Variants in PEBP4 observed in about 807,000 individuals in gnomAD.
The protein encoded by PEBP4 is phosphatidylethanolamine binding protein 4.
PEBP4 carries 22 observed loss-of-function variants against 23.9 expected under a neutral mutation model. That is an observed-to-expected ratio of 0.92 (90% CI 0.66 to 1.31). PEBP4 has a LOEUF of 1.31. PEBP4 is among the 40% of genes most tolerant of loss of function. The pLI is 0.00. For missense variants in PEBP4, 324 were observed against 281.7 expected (o/e 1.15, Z -1.07); for synonymous variants, 112 against 99.3 (o/e 1.13, Z -0.76).
intron 4 of PEBP4, chr8:22,757,018 CA>C (rs1411299609): frequency 2.0e-5 from 3 of 152,258 alleles, no homozygotes; most frequent in African/African-American, 7.2e-5. Context: ...CCTGAAAGGG[CA>C]CAGGTGGAGG....
chr8:22,738,766 T>G (rs1395846188), intron 4 of PEBP4, among the ~76,000 whole-genome samples: 1 of 152,122 alleles, frequency 6.6e-6, no homozygotes, highest in African/African-American at 2.4e-5. Context: ...TGTTCACACA[T>G]GCTCACTCAC....
At chr8:22,728,561 T>TTCCTTCCC (rs1354204215) in intron 4 of PEBP4, among the ~76,000 whole-genome samples, 2 of 40,268 alleles carry the variant, frequency 5.0e-5, no homozygotes, top group Non-Finnish European at 8.6e-5. Flanking sequence ...TCTTTCTTTC[T>TTCCTTCCC]TCCTTCCTTC....
intron 6 of PEBP4, among the ~76,000 whole-genome samples, chr8:22,721,459 C>T (rs1334606604): frequency 2.0e-5 from 3 of 152,088 alleles, no homozygotes; most frequent in African/African-American, 7.2e-5. Context: ...TCCCCACATC[C>T]CCCTACATAG....
rs1286690677 is a variant in PEBP4, at chr8:22,850,697, TCC to T, written c.259-32964_259-32963del. ...ATATGATGGAGATACTCATCCTTCC[TCC>T]CAACATGGTTTGAAAATGAAATGAA... On this transcript the variant is annotated intron_variant, in intron 3 of 6. Transcript: ENST00000256404. Among the ~76,000 whole-genome samples, 3 of 152,250 alleles carry T rather than the reference TCC, an allele frequency of 2.0e-5. No homozygotes were observed. In the East Asian group the frequency reaches 5.8e-4, roughly 29 times the overall value.
intron 4 of PEBP4, among the ~76,000 whole-genome samples, chr8:22,764,356 G>T (rs1035560143): frequency 6.6e-5 from 10 of 152,104 alleles, no homozygotes; most frequent in African/African-American, 2.4e-4. Flanking sequence ...TCAAGTCCAG[G>T]TTACTCTCTG....
chr8:22,838,643 G>A (rs1034351121), intron 3 of PEBP4, among the ~76,000 whole-genome samples: 1 of 152,272 alleles, frequency 6.6e-6, no homozygotes, highest in Non-Finnish European at 1.5e-5. Context: ...AGCTAGGCCG[G>A]GGCCTCAGCC....
At chr8:22,739,219 C>T (rs1804937483) in intron 4 of PEBP4, among the ~76,000 whole-genome samples, 1 of 152,114 alleles carries the variant, frequency 6.6e-6, no homozygotes, top group Non-Finnish European at 1.5e-5. Flanking sequence ...GTGGGGGGCA[C>T]CCCAGGTGCT....
intron 4 of PEBP4, among the ~76,000 whole-genome samples, chr8:22,776,514 A>G (rs1585266462): frequency 6.6e-6 from 1 of 151,548 alleles, no homozygotes; most frequent in Admixed American, 6.6e-5. Flanking sequence ...CAGCCTTCAA[A>G]CCACTGGTCT....
At chr8:22,772,271 GGA>G (rs1805730727) in intron 4 of PEBP4, among the ~76,000 whole-genome samples, 1 of 152,222 alleles carries the variant, frequency 6.6e-6, no homozygotes. Context: ...GGTCTGGGCA[GGA>G]GAGGGAGCAG....
At chr8:22,737,587 T>G (rs561743251) in intron 4 of PEBP4, among the ~76,000 whole-genome samples, 45 of 152,244 alleles carry the variant, frequency 3.0e-4, no homozygotes, top group African/African-American at 1.1e-3. Context: ...GTGGTCTGAT[T>G]TCTGGCAGCC....
intron 4 of PEBP4, among the ~76,000 whole-genome samples, chr8:22,771,816 C>G (rs542839378): frequency 1.3e-5 from 2 of 152,228 alleles, no homozygotes; most frequent in South Asian, 4.1e-4. Flanking sequence ...AAGTTACCAC[C>G]CTTTCCCTAG....
intron 3 of PEBP4, among the ~76,000 whole-genome samples, chr8:22,918,478 C>T (rs1340012941): frequency 6.6e-6 from 1 of 152,132 alleles, no homozygotes; most frequent in Non-Finnish European, 1.5e-5. Context: ...GCTGATAAGC[C>T]AGGGCAACGA....
At chr8:22,738,315 G>A (rs13255912) in intron 4 of PEBP4, among the ~76,000 whole-genome samples, 17,588 of 152,174 alleles carry the variant, frequency 0.12, 1,087 homozygotes, top group Middle Eastern at 0.22. Context: ...CGGCTCAGGA[G>A]AGCGAGTCAG....
At chr8:22,815,959 C>G (rs949525636) in intron 4 of PEBP4, among the ~76,000 whole-genome samples, 1 of 152,210 alleles carries the variant, frequency 6.6e-6, no homozygotes, top group Non-Finnish European at 1.5e-5. Flanking sequence ...TCAGGACCGC[C>G]GAGCAGAGCT....
chr8:22,764,279 T>G (rs1805566724), intron 4 of PEBP4, among the ~76,000 whole-genome samples: 1 of 151,838 alleles, frequency 6.6e-6, no homozygotes, highest in African/African-American at 2.4e-5. Context: ...CCCTCTATCC[T>G]GAAAAAATGG....
intron 4 of PEBP4, among the ~76,000 whole-genome samples, chr8:22,802,724 G>A (rs1046243338): frequency 3.3e-5 from 5 of 152,356 alleles, no homozygotes; most frequent in Middle Eastern, 3.4e-3. Flanking sequence ...GAGCAAGCGC[G>A]CAGGGAATCG....
chr8:22,720,932 G>C (rs1804504444), intron 6 of PEBP4, among the ~76,000 whole-genome samples: 1 of 152,214 alleles, frequency 6.6e-6, no homozygotes, highest in Non-Finnish European at 1.5e-5. Flanking sequence ...CATCAGCTGA[G>C]CGAATGCAGA....
At chr8:22,915,793 C>T (rs1809060032) in intron 3 of PEBP4, among the ~76,000 whole-genome samples, 1 of 152,174 alleles carries the variant, frequency 6.6e-6, no homozygotes, top group Non-Finnish European at 1.5e-5. Context: ...TGTTGGGAGC[C>T]CCGTGTCCTT....
At chr8:22,827,098 G>T (rs1353465394) in intron 3 of PEBP4, among the ~76,000 whole-genome samples, 1 of 152,122 alleles carries the variant, frequency 6.6e-6, no homozygotes, top group South Asian at 2.1e-4. Context: ...AAGACCCTGG[G>T]TGCTATGGAG....
Sources: gnomAD v4.1 joint callset for allele counts (sites outside exome capture counted in the v4.1 genomes callset) on GRCh38, gnomAD v4.1.1 for gene constraint, MANE v1.5 for transcripts, NCBI Gene and HGNC (gene_info 2026-07-23, HGNC 2026-07-21) for gene names.